CDH13: variants seen among roughly 807,000 people sequenced by gnomAD.
CDH13 encodes the protein cadherin 13, also known as cadherin-13.
A neutral mutation model predicts 63.8 loss-of-function variants in CDH13; 24 were observed. The observed-to-expected ratio is 0.38, with a 90% CI of 0.27 to 0.53. The LOEUF is 0.53. Among genes scored for constraint, CDH13 ranks in the 20% least tolerant of loss-of-function variants. The probability of loss-of-function intolerance (pLI) is 0.85; values close to 1 mark genes in which losing one functional copy is unlikely to be tolerated. For synonymous variants in CDH13, 503 were observed against 355.3 expected (o/e 1.42, Z -4.67); for missense variants, 1,049 against 903.1 (o/e 1.16, Z -2.07).
chr16:83,201,619 T>C (rs13332127), intron 4 of CDH13, among the ~76,000 whole-genome samples: 32,132 of 151,696 alleles, frequency 0.21, 3,520 homozygotes, highest in Middle Eastern at 0.3. Context: ...TAACGTTGGC[T>C]GGGCACGGTG....
At chr16:83,133,013 G>GTCC (rs1367820430) in intron 4 of CDH13, among the ~76,000 whole-genome samples, 4 of 152,144 alleles carry the variant, frequency 2.6e-5, no homozygotes, top group African/African-American at 9.7e-5. Flanking sequence ...AGGCTGCACT[G>GTCC]TCCCATGGAA....
At chr16:83,322,764 T>G (rs2090258580) in intron 5 of CDH13, among the ~76,000 whole-genome samples, 1 of 152,110 alleles carries the variant, frequency 6.6e-6, no homozygotes, top group African/African-American at 2.4e-5. Context: ...GACTCTACAG[T>G]CATTATAATG....
chr16:82,897,857 A>T (rs555940429), intron 2 of CDH13, among the ~76,000 whole-genome samples: 1 of 152,180 alleles, frequency 6.6e-6, no homozygotes, highest in Non-Finnish European at 1.5e-5. Context: ...TTCATTTATC[A>T]TTGGCCATTT....
intron 1 of CDH13, among the ~76,000 whole-genome samples, chr16:82,720,941 G>A (rs867130874): frequency 1.3e-5 from 2 of 152,144 alleles, no homozygotes; most frequent in Non-Finnish European, 2.9e-5. Context: ...AGTGAGTGAG[G>A]TTTACTGGAG....
intron 7 of CDH13, among the ~76,000 whole-genome samples, chr16:83,582,670 C>G (rs1031642452): frequency 2.0e-5 from 3 of 152,156 alleles, no homozygotes; most frequent in Admixed American, 6.5e-5. Context: ...GACATTTACC[C>G]AAACCACTGC....
chr16:82,851,216 G>A (rs286672), intron 1 of CDH13, among the ~76,000 whole-genome samples: 135,495 of 152,100 alleles, frequency 0.89, 61,482 homozygotes, highest in East Asian at 0.99. Context: ...CGGGCGAATC[G>A]CAAGGTCAGG....
intron 2 of CDH13, among the ~76,000 whole-genome samples, chr16:82,884,788 G>C (rs779184947): frequency 1.3e-5 from 2 of 152,048 alleles, no homozygotes; most frequent in Non-Finnish European, 1.5e-5. Context: ...CCAATTTTTG[G>C]ATAAAAATCC....
intron 5 of CDH13, among the ~76,000 whole-genome samples, chr16:83,327,751 A>G (rs890914697): frequency 6.6e-6 from 1 of 152,218 alleles, no homozygotes; most frequent in African/African-American, 2.4e-5. Flanking sequence ...CGTGAATGAA[A>G]TGAGGGAGCA....
intron 6 of CDH13, among the ~76,000 whole-genome samples, chr16:83,373,233 A>G (rs186380742): frequency 2.8e-4 from 42 of 152,306 alleles, no homozygotes; most frequent in Admixed American, 1.7e-3. Context: ...AGGAGGACCT[A>G]TTTTTAAAAG....
At chr16:83,600,247 G>C (rs925591863) in intron 7 of CDH13, among the ~76,000 whole-genome samples, 1 of 152,212 alleles carries the variant, frequency 6.6e-6, no homozygotes, top group South Asian at 2.1e-4. Flanking sequence ...TCAGCAGTCA[G>C]AGAACCGTGT....
At position 83,759,192 on chromosome 16, in the gene CDH13, G is replaced by A. The variant is rs1913753437; in HGVS notation, c.1681+10942G>A. Among the ~76,000 whole-genome samples the A allele has an allele frequency of 2.0e-5, 3 of 152,134 alleles. No individual in the cohort carries two copies. The South Asian group carries it at 6.2e-4, about 31-fold the overall frequency. ...AACCATGGTATTTGCACAAAGATGG[G>A]AACAAGCTGACCAATGCAATAGAAT... On this transcript the variant is annotated intron_variant, in intron 11 of 13. Coordinates refer to ENST00000567109, the MANE Select transcript of CDH13 (RefSeq NM_001257.5).
At chr16:82,775,023 T>G (rs1868913677) in intron 1 of CDH13, among the ~76,000 whole-genome samples, 1 of 152,184 alleles carries the variant, frequency 6.6e-6, no homozygotes, top group Non-Finnish European at 1.5e-5. Context: ...CTAATGGCCC[T>G]AGAGACTGTA....
chr16:83,738,351 A>G (rs1293427189), intron 10 of CDH13, among the ~76,000 whole-genome samples: 2 of 152,244 alleles, frequency 1.3e-5, no homozygotes, highest in East Asian at 3.8e-4. Flanking sequence ...GTTTATGTAT[A>G]CATCGATACA....
intron 5 of CDH13, among the ~76,000 whole-genome samples, chr16:83,313,958 G>C (rs893483723): frequency 6.6e-6 from 1 of 152,130 alleles, no homozygotes; most frequent in Non-Finnish European, 1.5e-5. Context: ...TCATTTGTCT[G>C]TTTCATTAAT....
chr16:82,907,249 G>A (rs1335900646), intron 2 of CDH13, among the ~76,000 whole-genome samples: 2 of 152,124 alleles, frequency 1.3e-5, no homozygotes, highest in Non-Finnish European at 2.9e-5. Context: ...CCAAAGCTTA[G>A]GTGATATGTT....
intron 6 of CDH13, among the ~76,000 whole-genome samples, chr16:83,411,489 AT>A (rs776776943): frequency 1.3e-4 from 20 of 152,218 alleles, no homozygotes; most frequent in Non-Finnish European, 1.9e-4. Flanking sequence ...TGTGCTCAAT[AT>A]GGGGGTTAGC....
rs1032569224 is a variant in CDH13, at chr16:83,576,629, C to G, written c.961-25825C>G. Among the ~76,000 whole-genome samples, 9 of 152,334 alleles carry G rather than the reference C, an allele frequency of 5.9e-5. No individual in the cohort carries two copies. In the South Asian group the frequency reaches 1.9e-3, roughly 32 times the overall value. ...ATTTTATATTCTAACCAACAGTACA[C>G]AAGAATTCCAGTTTCTCCACATCCC... On this transcript the variant is annotated intron_variant, in intron 7 of 13. Coordinates refer to ENST00000567109, the MANE Select transcript of CDH13 (RefSeq NM_001257.5).
At chr16:83,634,858 T>C (rs1395116123) in intron 8 of CDH13, among the ~76,000 whole-genome samples, 1 of 152,228 alleles carries the variant, frequency 6.6e-6, no homozygotes, top group East Asian at 1.9e-4. Flanking sequence ...TTTGACTTTG[T>C]TGCTAGATTG....
chr16:83,420,201 C>A (rs113545695), intron 6 of CDH13, among the ~76,000 whole-genome samples: 1 of 152,208 alleles, frequency 6.6e-6, no homozygotes, highest in South Asian at 2.1e-4. Flanking sequence ...GGAACTAAAT[C>A]GAGCTGTCAC....
Sources: gnomAD v4.1 joint callset for allele counts (sites outside exome capture counted in the v4.1 genomes callset) on GRCh38, gnomAD v4.1.1 for gene constraint, MANE v1.5 for transcripts, NCBI Gene and HGNC (gene_info 2026-07-23, HGNC 2026-07-21) for gene names.